Variants in UNC13D observed in about 807,000 individuals in gnomAD.
UNC13D encodes unc-13 homolog D.
UNC13D carries 115 observed loss-of-function variants against 151.7 expected under a neutral mutation model. The ratio of observed to expected loss-of-function variants is 0.76; its 90% CI spans 0.65 to 0.88. The LOEUF is 0.88. Ranked by LOEUF, UNC13D falls within the 40% of genes least tolerant of loss-of-function variation. The pLI is 0.00. For missense variants in UNC13D, 1,369 were observed against 1,438.7 expected, an observed-to-expected ratio of 0.95 and a Z score of 0.78; for synonymous variants, 588 against 612.2, an observed-to-expected ratio of 0.96 and a Z score of 0.58.
At chr17:75,843,715 A>T in intron 1 of UNC13D, 196 bp from the exon 2 acceptor site, 1 of 1,451,332 alleles carries the variant, frequency 6.9e-7, no homozygotes, top group South Asian at 1.4e-5. Context: ...GCCGTGGCTG[A>T]GGTCCATGGG....
rs1381300246 is a variant in UNC13D, at chr17:75,830,402, C to G, written c.2790G>C (p.Glu930Asp). 4 of 1,589,746 alleles carry G rather than the reference C, an allele frequency of 2.5e-6. No individual in the cohort carries two copies. The highest frequency in any genetic ancestry group is 2.6e-6 in the Non-Finnish European group (3 of 1,169,860). Residue 930 changes from glutamate to aspartate, a missense_variant, in exon 29 of 32, where the codon GAG (glutamate) becomes GAC (aspartate). Physicochemically the swap from Glu to Asp is conservative, Grantham distance 45 (BLOSUM62 2). Transcript: ENST00000207549. Reference sequence around the variant, plus strand: ...GCAGCAGGCTGGAGGCGCTGAGCAGCTCCACACGCAGCTTCTGCTCAGAGG... The same window carrying G: ...GCAGCAGGCTGGAGGCGCTGAGCAGGTCCACACGCAGCTTCTGCTCAGAGG... ...YRASEQKLRV[E>D]LLSASSLLPL...
chr17:75,830,697 G>C lies in UNC13D; in HGVS notation c.2626-36C>G, dbSNP rs370098670. On this transcript the variant is annotated intron_variant, in intron 27 of 31. Transcript: ENST00000207549. ...ATACAGCTGAGGATCCACCTGGACT[G>C]CACGCCCAACCACAGCCCAGGCCTG... 130 of 1,552,458 alleles carry C rather than the reference G, an allele frequency of 8.4e-5. No individual in the cohort carries two copies. The Middle Eastern group carries it at 2.4e-3, about 28-fold the overall frequency.
rs1255638535 is a variant in UNC13D, at chr17:75,827,281, G to A, written c.*684C>T. The A allele has an allele frequency of 2.1e-6, 1 of 476,954 alleles. No homozygotes were observed. The highest frequency in any genetic ancestry group is 2.0e-5 in the African/African-American group (1 of 50,478). The allele number at this position is 476,954 out of a possible 1,614,324, so 29.5% of individuals were successfully genotyped here. On this transcript the variant is annotated 3_prime_UTR_variant, in exon 32 of 32. Coordinates refer to ENST00000207549, the MANE Select transcript of UNC13D (RefSeq NM_199242.3). ...ATTTTTTTGCTAAGAAAGTTTCTAG[G>A]TGGCAGGTGCTGTCCGGGGAGGGGG...
intron 30 of UNC13D, 81 bp downstream of exon 30, chr17:75,829,947 C>T (rs917235131): frequency 1.9e-6 from 3 of 1,549,586 alleles, no homozygotes; most frequent in Non-Finnish European, 1.7e-6. Flanking sequence ...CCCCTTGGCC[C>T]CAGCCAGGAG....
Position 75,831,159 on chromosome 17 carries a change from A to T in UNC13D, c.2564T>A (p.Ile855Asn). 2 of 1,614,058 alleles carry T rather than the reference A, an allele frequency of 1.2e-6. No homozygotes were observed. The highest frequency in any genetic ancestry group is 1.7e-6 in the Non-Finnish European group (2 of 1,180,032). Residue 855 changes from isoleucine (I) to asparagine (N), a missense_variant, in exon 27 of 32, where the codon ATC becomes AAC. Physicochemically the swap from Ile to Asn is moderately radical, Grantham distance 149. Around this residue, in one of 3 missense-constraint regions of UNC13D, gnomAD observed 807 missense variants for 795.5 expected, o/e 1.01. Transcript: ENST00000207549. ...GCCACAGCCCTCAGCGTGGAAGCAG[A>T]TCTCCAGGTTCTGGGGGAGATATCA... ...RLKIALQNLE[I>N]CFHAEGCGLP...
chr17:75,828,156 T>C (rs1599401255), intron 31 of UNC13D, 70 bp from the exon 32 acceptor site: 6 of 1,536,466 alleles, frequency 3.9e-6, no homozygotes, highest in Non-Finnish European at 5.3e-6. Flanking sequence ...CAGAGAAGAG[T>C]GTGTGGGGGG....
intron 27 of UNC13D, 118 bp downstream of exon 27, chr17:75,830,979 GC>G: frequency 8.2e-7 from 1 of 1,223,412 alleles, no homozygotes; most frequent in African/African-American, 1.5e-5. Context: ...TGAATAAGGG[GC>G]CCAGTTTTTC....
At chr17:75,831,562 A>G in intron 25 of UNC13D, 1 of 591,390 alleles carries the variant, frequency 1.7e-6, no homozygotes, top group Non-Finnish European at 3.0e-6. Context: ...GTCCTATCCA[A>G]CACACCTCTC....
chr17:75,828,456 G>A (rs954094648), intron 31 of UNC13D, among the ~76,000 whole-genome samples: 9 of 152,238 alleles, frequency 5.9e-5, no homozygotes, highest in Non-Finnish European at 1.3e-4. Flanking sequence ...AATGCATAAA[G>A]TGCTTAGCAC....
chr17:75,840,367 C>T lies in UNC13D; in HGVS notation c.754-38G>A. 1 of 1,610,962 alleles carries T rather than the reference C, an allele frequency of 6.2e-7. No homozygotes were observed. Among genetic ancestry groups the T allele is most frequent in the South Asian group, 1.1e-5 (1 of 90,948 alleles). On this transcript the variant is annotated intron_variant, in intron 9 of 31. Coordinates refer to ENST00000207549, the MANE Select transcript of UNC13D (RefSeq NM_199242.3). This position sits in a 1 kb window ranked among gnomAD's most constrained non-coding sequence, Gnocchi z 4.6. ...GATGCCCAGCCCGTGAGCGTCAGAA[C>T]CTCATAGAGTCGGGGCAGCGGAGGC... is the stretch of plus-strand genomic sequence containing the variant.
At position 75,844,376 on chromosome 17, in the gene UNC13D, G is replaced by A. The variant is rs1402777975; in HGVS notation, c.-39C>T. 6 of 1,576,428 alleles carry A rather than the reference G, an allele frequency of 3.8e-6. No individual in the cohort carries two copies. The highest frequency in any genetic ancestry group is 1.1e-5 in the South Asian group (1 of 88,020). On this transcript the variant is annotated 5_prime_UTR_variant, in exon 1 of 32. Transcript: ENST00000207549. ...GCCCTTCCCTGTCCGCTGGTGCTGGGTGAAGACAGCGAAGCCACAGGATTA... is the reference window on the plus strand; with the variant it reads ...GCCCTTCCCTGTCCGCTGGTGCTGGATGAAGACAGCGAAGCCACAGGATTA...
chr17:75,827,700 G>T lies in UNC13D; in HGVS notation c.*265C>A. On this transcript the variant is annotated 3_prime_UTR_variant, in exon 32 of 32. Coordinates refer to ENST00000207549, the MANE Select transcript of UNC13D (RefSeq NM_199242.3). ...CTTTTCTGAGAGGCGGGCAGGGGCA[G>T]GGTTTGCTCCCCCTGGTGCTGGGAT... 6.6e-7 allele frequency: 1 copy of T among 1,523,128 alleles called. No homozygotes were observed. Among genetic ancestry groups the T allele is most frequent in the Non-Finnish European group, 8.8e-7 (1 of 1,138,290 alleles). The allele number at this position is 1,523,128 out of a possible 1,614,324, so 94.4% of individuals were successfully genotyped here.
In UNC13D at chr17:75,827,880, C is replaced by T. The variant is rs1052440810; in HGVS notation, c.*85G>A. 52 of 1,569,926 alleles carry T rather than the reference C, an allele frequency of 3.3e-5. No individual in the cohort carries two copies. In the African/African-American group the frequency reaches 5.1e-4, roughly 16 times the overall value. On this transcript the variant is annotated 3_prime_UTR_variant, in exon 32 of 32. Coordinates refer to ENST00000207549, the MANE Select transcript of UNC13D (RefSeq NM_199242.3). The stretch of plus-strand genomic sequence containing the variant: ...AGTGTTAGGCCAGGCTGGAGGGCCG[C>T]GATGTGGCGGGGAAGCCCCAGACCC...
chr17:75,830,528 C>T (rs1414503581), intron 28 of UNC13D, 46 bp from the exon 29 acceptor site: 7 of 1,579,906 alleles, frequency 4.4e-6, no homozygotes, highest in East Asian at 2.3e-5. Context: ...ACAGCGGGAG[C>T]GGGGTGCTCC....
In UNC13D at chr17:75,840,875, G is replaced by A. The variant is rs775760217; in HGVS notation, c.615-45C>T. ...AGAAGGAAGCAGAGAGAGTGCCTACGACCTCTTCCAGGAGGAGGTTCCGCC... is the reference window on the plus strand; with the variant it reads ...AGAAGGAAGCAGAGAGAGTGCCTACAACCTCTTCCAGGAGGAGGTTCCGCC... On this transcript the variant is annotated intron_variant, in intron 7 of 31. Coordinates refer to ENST00000207549, the MANE Select transcript of UNC13D (RefSeq NM_199242.3). The surrounding 1 kb of genome is among the most constrained non-coding windows in gnomAD (Gnocchi z 4.6). The A allele has an allele frequency of 6.2e-6, 10 of 1,613,440 alleles. No individual in the cohort carries two copies. Among genetic ancestry groups the A allele is most frequent in the African/African-American group, 2.7e-5 (2 of 74,886 alleles).
intron 5 of UNC13D, 112 bp downstream of exon 5, chr17:75,842,745 C>T (rs1456903951): frequency 8.8e-6 from 14 of 1,587,510 alleles, no homozygotes; most frequent in Admixed American, 6.7e-5. Flanking sequence ...GGGGGGCCAG[C>T]GCTACAGGGC....
rs374832914 is a variant in UNC13D, at chr17:75,840,758, G to T, written c.683+4C>A. 8 of 1,613,900 alleles carry T rather than the reference G, an allele frequency of 5.0e-6. No individual in the cohort carries two copies. The South Asian group carries it at 8.8e-5, about 18-fold the overall frequency. On this transcript the variant is annotated splice_donor_region_variant and intron_variant, in intron 8 of 31. Coordinates refer to ENST00000207549, the MANE Select transcript of UNC13D (RefSeq NM_199242.3). The surrounding 1 kb of genome is among the most constrained non-coding windows in gnomAD (Gnocchi z 4.6). ...CCCTTCCCTGTGAGCCCTGCAACAC[G>T]AACCTGCGAAGCCCATGCAGATCCG...
At chr17:75,843,680 C>T (rs760601970) in intron 1 of UNC13D, 161 bp from the exon 2 acceptor site, 8 of 1,474,022 alleles carry the variant, frequency 5.4e-6, no homozygotes, top group Non-Finnish European at 5.4e-6. Context: ...CCCAGCAGGC[C>T]TCCTGGAGGT....
chr17:75,827,961 A>G lies in UNC13D; in HGVS notation c.*4T>C, dbSNP rs374082425. The G allele has an allele frequency of 2.9e-5, 46 of 1,608,510 alleles. No individual in the cohort carries two copies. The highest frequency in any genetic ancestry group is 3.6e-5 in the Non-Finnish European group (43 of 1,178,766). On this transcript the variant is annotated 3_prime_UTR_variant, in exon 32 of 32. Transcript: ENST00000207549. ...GGACCCAGCCCCACCGCAAACCTCT[A>G]CGGCTACGGTGCCGGCCGCAAGGCA...
Sources: gnomAD v4.1 joint callset for allele counts (sites outside exome capture counted in the v4.1 genomes callset) on GRCh38, gnomAD v4.1.1 for gene constraint, gnomAD v4.1.1 regional missense constraint, Gnocchi (gnomAD v3.1) non-coding constraint, MANE v1.5 for transcripts, NCBI Gene and HGNC (gene_info 2026-07-23, HGNC 2026-07-21) for gene names.